CCSER1: variants seen among roughly 807,000 people sequenced by gnomAD.
CCSER1 encodes coiled-coil serine rich protein 1.
A neutral mutation model predicts 82.0 loss-of-function variants in CCSER1; 41 were observed. The ratio of observed to expected loss-of-function variants is 0.50; its 90% CI spans 0.39 to 0.65. The LOEUF is 0.65. Ranked by LOEUF, CCSER1 falls within the 30% of genes least tolerant of loss-of-function variation. CCSER1 has a pLI of 0.00. For missense variants in CCSER1, 1,119 were observed against 1,064.2 expected (o/e 1.05, Z -0.72); for synonymous variants, 414 against 383.9 (o/e 1.08, Z -0.92).
At chr4:91,163,391 C>G (rs12512278) in intron 10 of CCSER1, among the ~76,000 whole-genome samples, 3 of 151,746 alleles carry the variant, frequency 2.0e-5, no homozygotes, top group Non-Finnish European at 2.9e-5. Flanking sequence ...GTGGTGCTGA[C>G]AAGAATGTAT....
At chr4:90,807,896 A>T (rs1163807412) in intron 7 of CCSER1, among the ~76,000 whole-genome samples, 5 of 152,280 alleles carry the variant, frequency 3.3e-5, no homozygotes, top group South Asian at 4.1e-4. Context: ...GGAAAAAAAA[A>T]TTTTAAAACT....
intron 10 of CCSER1, among the ~76,000 whole-genome samples, chr4:91,330,449 T>G (rs953494180): frequency 6.6e-6 from 1 of 152,124 alleles, no homozygotes; most frequent in African/African-American, 2.4e-5. Flanking sequence ...TAGGAAATTT[T>G]CTATTTGTCT....
At chr4:91,053,540 A>G (rs1479525866) in intron 9 of CCSER1, among the ~76,000 whole-genome samples, 2 of 152,146 alleles carry the variant, frequency 1.3e-5, no homozygotes, top group Non-Finnish European at 2.9e-5. Context: ...GCCACCAACT[A>G]CTTTGCAATC....
chr4:90,646,193 G>A (rs1727556701), intron 6 of CCSER1, among the ~76,000 whole-genome samples: 2 of 152,064 alleles, frequency 1.3e-5, no homozygotes, highest in African/African-American at 4.8e-5. Context: ...CTAAATCTCT[G>A]TGCATATAGC....
At chr4:90,232,187 A>T (rs1269886941) in intron 1 of CCSER1, among the ~76,000 whole-genome samples, 2 of 152,136 alleles carry the variant, frequency 1.3e-5, no homozygotes, top group African/African-American at 2.4e-5. Flanking sequence ...CCAAAAGAAC[A>T]AAGCTGGAGG....
intron 10 of CCSER1, among the ~76,000 whole-genome samples, chr4:91,584,543 G>A (rs1578855272): frequency 6.6e-6 from 1 of 151,438 alleles, no homozygotes; most frequent in East Asian, 1.9e-4. Context: ...TTTAGAAACA[G>A]TATTAACCTC....
At chr4:90,815,505 C>A (rs1758882120) in intron 7 of CCSER1, among the ~76,000 whole-genome samples, 1 of 133,220 alleles carries the variant, frequency 7.5e-6, no homozygotes, top group Non-Finnish European at 1.7e-5. Context: ...AAAAACTAAG[C>A]AAAAACATAT....
chr4:90,412,424 C>G (rs1047781036), intron 4 of CCSER1, among the ~76,000 whole-genome samples: 1 of 150,762 alleles, frequency 6.6e-6, no homozygotes, highest in African/African-American at 2.4e-5. Flanking sequence ...ATGTAACAAA[C>G]TTACACGTTG....
At chr4:91,497,460 CAAA>C (rs976810583) in intron 10 of CCSER1, among the ~76,000 whole-genome samples, 1 of 151,564 alleles carries the variant, frequency 6.6e-6, no homozygotes, top group Non-Finnish European at 1.5e-5. Flanking sequence ...GTTAATAAAA[CAAA>C]AATTCCTGTG....
chr4:90,271,850 ATATATATATATATTTT>A (rs1260548838), intron 1 of CCSER1, among the ~76,000 whole-genome samples: 1 of 23,124 alleles, frequency 4.3e-5, no homozygotes, highest in Admixed American at 4.1e-4. Context: ...ATATATATAT[ATATATATATATATTTT>A]TTTTTTTTTT....
chr4:90,384,365 A>G (rs1749691641), intron 3 of CCSER1, among the ~76,000 whole-genome samples: 1 of 146,772 alleles, frequency 6.8e-6, no homozygotes. Context: ...AGGACAAAAA[A>G]CAAATCACCA....
At chr4:91,589,827 A>G (rs527430716) in intron 10 of CCSER1, among the ~76,000 whole-genome samples, 1 of 152,084 alleles carries the variant, frequency 6.6e-6, no homozygotes, top group East Asian at 1.9e-4. Context: ...ATAAGCAATA[A>G]TTGTCTGAAA....
intron 3 of CCSER1, among the ~76,000 whole-genome samples, chr4:90,338,237 A>G (rs1429767552): frequency 2.0e-5 from 3 of 152,156 alleles, no homozygotes; most frequent in Non-Finnish European, 4.4e-5. Flanking sequence ...TGAATGTCTA[A>G]TGCAAGTTCT....
intron 6 of CCSER1, among the ~76,000 whole-genome samples, chr4:90,708,726 G>T (rs1005675652): frequency 6.6e-6 from 1 of 152,090 alleles, no homozygotes; most frequent in African/African-American, 2.4e-5. Context: ...CTTGTGGGCT[G>T]ATTTATATTT....
intron 10 of CCSER1, among the ~76,000 whole-genome samples, chr4:91,514,829 C>A (rs1760018423): frequency 6.6e-6 from 1 of 152,188 alleles, no homozygotes; most frequent in Non-Finnish European, 1.5e-5. Context: ...ACGACAAAGT[C>A]TCTCAGTTAA....
chr4:90,323,761 T>G (rs1377694838), intron 3 of CCSER1, among the ~76,000 whole-genome samples: 2 of 152,154 alleles, frequency 1.3e-5, no homozygotes, highest in East Asian at 3.9e-4. Context: ...GCTGGTGTGC[T>G]GCACCCACTA....
rs542959636 is a variant in CCSER1, at chr4:91,227,586, G to A, written c.2217+141592G>A. On this transcript the variant is annotated intron_variant, in intron 10 of 10. Transcript: ENST00000509176. ...TTTTTACCCAAGTATATTGCATAAT[G>A]CTGGGGTTTGGGTATCTAGTGAAAC... is the stretch of plus-strand genomic sequence containing the variant. 1.3e-3 allele frequency among the ~76,000 whole-genome samples: 192 copies of A among 151,404 alleles called. 2 individuals carry two copies. The highest frequency in any genetic ancestry group is 4.3e-3 in the African/African-American group (179 of 41,310).
intron 5 of CCSER1, among the ~76,000 whole-genome samples, chr4:90,563,871 A>G (rs1051298354): frequency 6.6e-6 from 1 of 152,208 alleles, no homozygotes; most frequent in Admixed American, 6.5e-5. Context: ...ACTGTTTTCT[A>G]TAATGGCTAT....
chr4:90,837,531 TAAAC>T (rs1461241621), intron 8 of CCSER1, among the ~76,000 whole-genome samples: 4 of 152,176 alleles, frequency 2.6e-5, no homozygotes, highest in African/African-American at 9.6e-5. Context: ...ATTACTATGT[TAAAC>T]AAAATGTTTT....
Sources: gnomAD v4.1 joint callset for allele counts (sites outside exome capture counted in the v4.1 genomes callset) on GRCh38, gnomAD v4.1.1 for gene constraint, MANE v1.5 for transcripts, NCBI Gene and HGNC (gene_info 2026-07-23, HGNC 2026-07-21) for gene names.